Variants in SORBS2 observed in about 807,000 individuals in gnomAD.
SORBS2 encodes sorbin and SH3 domain-containing protein 2.
A neutral mutation model predicts 97.7 loss-of-function variants in SORBS2; 46 were observed. The ratio of observed to expected loss-of-function variants is 0.47; its 90% CI spans 0.37 to 0.60. The LOEUF is 0.60. Among genes scored for constraint, SORBS2 ranks in the 20% least tolerant of loss-of-function variants. SORBS2 has a pLI of 0.00. For synonymous variants in SORBS2, 476 were observed against 473.4 expected, an observed-to-expected ratio of 1.01 and a Z score of -0.07; for missense variants, 1,316 against 1,282.3, an observed-to-expected ratio of 1.03 and a Z score of -0.40.
At chr4:185,880,202 C>A (rs1181114263) in intron 1 of SORBS2, among the ~76,000 whole-genome samples, 1 of 152,186 alleles carries the variant, frequency 6.6e-6, no homozygotes, top group East Asian at 1.9e-4. Context: ...AGCCGTCTGT[C>A]TTAAACAGGA....
At chr4:185,639,141 A>T in intron 4 of SORBS2, 106 bp from the exon 14 acceptor site, 2 of 1,063,004 alleles carry the variant, frequency 1.9e-6, no homozygotes, top group Non-Finnish European at 2.6e-6. Flanking sequence ...CCGGGAGGGG[A>T]GAGGCCTCCG....
At chr4:185,853,251 G>C (rs1468382851) in intron 1 of SORBS2, among the ~76,000 whole-genome samples, 1 of 152,102 alleles carries the variant, frequency 6.6e-6, no homozygotes. Context: ...CTTATTTTAT[G>C]GATGAAACAT....
At chr4:185,921,743 AT>A (rs1329465113) in intron 1 of SORBS2, among the ~76,000 whole-genome samples, 2 of 152,186 alleles carry the variant, frequency 1.3e-5, no homozygotes, top group Non-Finnish European at 2.9e-5. Context: ...CTGGTTTGCT[AT>A]TTTTAGCCAG....
At chr4:185,646,778 C>T (rs775781236) in exon 4 of SORBS2, 20 of 1,583,326 alleles carry the variant, frequency 1.3e-5, no homozygotes, top group Non-Finnish European at 1.6e-5. Context: ...GGATCCCAGT[C>T]ATGCCTAGAA....
chr4:185,932,743 C>T (rs879436501), intron 1 of SORBS2, among the ~76,000 whole-genome samples: 11 of 152,170 alleles, frequency 7.2e-5, no homozygotes, highest in African/African-American at 1.2e-4. Flanking sequence ...CCCTGGGGCT[C>T]GGTTGCCCTG....
intron 1 of SORBS2, among the ~76,000 whole-genome samples, chr4:185,873,021 G>C (rs896335608): frequency 6.6e-6 from 1 of 152,208 alleles, no homozygotes; most frequent in Admixed American, 6.5e-5. Context: ...GCTTAGCAGA[G>C]AGCCTAGCAT....
chr4:185,606,530 A>G lies in SORBS2; in HGVS notation c.2796+5250T>C. On this transcript the variant is annotated intron_variant, in intron 12 of 14. Coordinates refer to ENST00000418609, the Ensembl canonical transcript of SORBS2. This position sits in a 1 kb window ranked among gnomAD's most constrained non-coding sequence, Gnocchi z 4.3. ...ATTTATTAATATGATTAACTCTAAT[A>G]GCTAATCATGGTAAGGCCGGTTAGT... is the stretch of plus-strand genomic sequence containing the variant. 1 of 984,860 alleles carries G rather than the reference A, an allele frequency of 1.0e-6. No homozygotes were observed. Among genetic ancestry groups the G allele is most frequent in the Non-Finnish European group, 1.2e-6 (1 of 829,396 alleles). The allele number at this position is 984,860 out of a possible 1,614,324, so 61.0% of individuals were successfully genotyped here. A position where few individuals can be genotyped will look rare whatever the true frequency, so the allele number is the denominator to read the frequency against.
intron 1 of SORBS2, among the ~76,000 whole-genome samples, chr4:185,802,171 A>G (rs1174659494): frequency 6.6e-6 from 1 of 152,234 alleles, no homozygotes; most frequent in African/African-American, 2.4e-5. Context: ...TCTTTATTGT[A>G]TAAGTTACTT....
intron 2 of SORBS2, among the ~76,000 whole-genome samples, chr4:185,686,250 G>A (rs1300709792): frequency 1.3e-5 from 2 of 152,018 alleles, no homozygotes; most frequent in African/African-American, 4.8e-5. Flanking sequence ...ACAGAATTTA[G>A]ATTGGTAAAG....
At chr4:185,748,009 TTGC>T (rs751586340) in intron 2 of SORBS2, among the ~76,000 whole-genome samples, 32 of 151,984 alleles carry the variant, frequency 2.1e-4, no homozygotes, top group Non-Finnish European at 4.1e-4. Context: ...AACAAGGTCT[TTGC>T]TGCTTCCACA....
intron 2 of SORBS2, among the ~76,000 whole-genome samples, chr4:185,769,837 TG>T (rs2098959233): frequency 6.6e-6 from 1 of 152,196 alleles, no homozygotes; most frequent in Admixed American, 6.5e-5. Context: ...ATTAATACAG[TG>T]AAAAATAATG....
chr4:185,718,666 G>A (rs1230235554), intron 2 of SORBS2, among the ~76,000 whole-genome samples: 1 of 152,138 alleles, frequency 6.6e-6, no homozygotes, highest in Non-Finnish European at 1.5e-5. Flanking sequence ...GAAGTCTGAG[G>A]TTGTTCTGAA....
Position 185,614,972 on chromosome 4 carries a change from TAGTC to T in SORBS2, c.2467-17_2467-14del, listed in dbSNP as rs1283651382. 6.2e-7 allele frequency: 1 copy of T among 1,614,058 alleles called. No homozygotes were observed. Among genetic ancestry groups the T allele is most frequent in the South Asian group, 1.1e-5 (1 of 91,072 alleles). ...GAGGTGTGAGTTTCTATGAAGGAAATAGTCATTTATTCTCAAATCTGCGGTGACC... is the reference window on the plus strand; with the variant it reads ...GAGGTGTGAGTTTCTATGAAGGAAATATTTATTCTCAAATCTGCGGTGACC... On this transcript the variant is annotated splice_polypyrimidine_tract_variant and intron_variant, in intron 10 of 14. Coordinates refer to ENST00000418609, the Ensembl canonical transcript of SORBS2.
chr4:185,924,182 C>A (rs1169415495), intron 1 of SORBS2, among the ~76,000 whole-genome samples: 4 of 152,130 alleles, frequency 2.6e-5, no homozygotes, highest in Non-Finnish European at 5.9e-5. Context: ...TGCTCTCCTG[C>A]CTTCAGGGAG....
intron 4 of SORBS2, chr4:185,646,234 C>A (rs967535208): frequency 2.6e-5 from 4 of 152,706 alleles, no homozygotes; most frequent in African/African-American, 9.7e-5. Context: ...AATGATTTTT[C>A]TCATTAGCAA....
At chr4:185,692,127 A>G (rs1052949651) in intron 2 of SORBS2, among the ~76,000 whole-genome samples, 2 of 152,212 alleles carry the variant, frequency 1.3e-5, no homozygotes, top group African/African-American at 4.8e-5. Flanking sequence ...CCCTGAAACC[A>G]AAGAGGAAAG....
chr4:185,751,190 A>AAAAAAAAAAAAAAAAAAAAAAGAGAG, intron 2 of SORBS2, among the ~76,000 whole-genome samples: 1 of 86,426 alleles, frequency 1.2e-5, no homozygotes. Flanking sequence ...AAAAAAAAAA[A>AAAAAAAAAAAAAAAAAAAAAAGAGAG]AGAGAAAGAG....
rs949328822 is a variant in SORBS2, at chr4:185,639,169, A to G, written c.396+7499T>C. 15 of 774,010 alleles carry G rather than the reference A, an allele frequency of 1.9e-5. No individual in the cohort carries two copies. In the African/African-American group the frequency reaches 2.6e-4, roughly 13 times the overall value. 47.9% of individuals were successfully genotyped at this position (774,010 alleles called of 1,614,324 possible). ...GGCCTCCGGACGGCGAAGTGTCCCT[A>G]GGGACCCAGACGCCTCGGGAGCGAT... is the stretch of plus-strand genomic sequence containing the variant. On this transcript the variant is annotated intron_variant, in intron 4 of 14. Transcript: ENST00000418609.
intron 11 of SORBS2, among the ~76,000 whole-genome samples, chr4:185,613,958 C>G (rs1259118020): frequency 6.6e-6 from 1 of 152,074 alleles, no homozygotes; most frequent in Non-Finnish European, 1.5e-5. Flanking sequence ...TGCTCTTCAT[C>G]GCACCTGGCT....
Sources: gnomAD v4.1 joint callset for allele counts (sites outside exome capture counted in the v4.1 genomes callset) on GRCh38, gnomAD v4.1.1 for gene constraint, Gnocchi (gnomAD v3.1) non-coding constraint, MANE v1.5 for transcripts, NCBI Gene and HGNC (gene_info 2026-07-23, HGNC 2026-07-21) for gene names.